Variants in TEX10 observed in about 807,000 individuals in gnomAD.
The protein encoded by TEX10 is testis-expressed protein 10.
TEX10 carries 24 observed loss-of-function variants against 104.4 expected under a neutral mutation model. The ratio of observed to expected loss-of-function variants is 0.23; its 90% CI spans 0.17 to 0.32. The LOEUF (loss-of-function observed/expected upper bound fraction) is 0.32. Among genes scored for constraint, TEX10 ranks in the 10% least tolerant of loss-of-function variants. The pLI is 1.00. For missense variants in TEX10, 921 were observed against 1,083.9 expected (o/e 0.85, Z 2.11); for synonymous variants, 396 against 393.4 (o/e 1.01, Z -0.08).
intron 5 of TEX10, among the ~76,000 whole-genome samples, chr9:100,333,786 A>G (rs1167271186): frequency 6.6e-6 from 1 of 152,214 alleles, no homozygotes; most frequent in Admixed American, 6.5e-5. Flanking sequence ...TACATAAATT[A>G]ATGGAACACA....
chr9:100,302,335 C>A, intron 14 of TEX10, 31 bp from the exon 15 acceptor site: 1 of 1,507,366 alleles, frequency 6.6e-7, no homozygotes, highest in Non-Finnish European at 9.2e-7. Context: ...AATCTGAGAA[C>A]TGCACCCAAA....
intron 13 of TEX10, 105 bp from the exon 14 acceptor site, chr9:100,303,947 C>A (rs1834081642): frequency 1.8e-6 from 2 of 1,128,532 alleles, no homozygotes; most frequent in Non-Finnish European, 2.6e-6. Context: ...AACATGTTTT[C>A]CAATAACATT....
intron 4 of TEX10, among the ~76,000 whole-genome samples, chr9:100,342,596 G>A (rs1835201288): frequency 6.6e-6 from 1 of 152,096 alleles, no homozygotes; most frequent in Non-Finnish European, 1.5e-5. Context: ...ATTTATTGAT[G>A]CCCAATAAAG....
At chr9:100,338,341 G>A (rs897195580) in intron 5 of TEX10, among the ~76,000 whole-genome samples, 1 of 152,262 alleles carries the variant, frequency 6.6e-6, no homozygotes, top group South Asian at 2.1e-4. Context: ...GCACCAGCCA[G>A]CCAGCACCCG....
intron 5 of TEX10, among the ~76,000 whole-genome samples, chr9:100,337,429 T>C (rs183318484): frequency 1.3e-5 from 2 of 152,342 alleles, no homozygotes; most frequent in East Asian, 3.9e-4. Flanking sequence ...AAAATACACA[T>C]ACATATAATT....
intron 5 of TEX10, among the ~76,000 whole-genome samples, chr9:100,330,936 C>T (rs934121465): frequency 3.3e-5 from 5 of 151,586 alleles, no homozygotes; most frequent in African/African-American, 9.7e-5. Context: ...GAAAACACAG[C>T]GAGACCCCAT....
At chr9:100,326,634 T>A (rs1192485244) in intron 8 of TEX10, among the ~76,000 whole-genome samples, 155 bp from the exon 9 acceptor site, 1 of 152,132 alleles carries the variant, frequency 6.6e-6, no homozygotes, top group Admixed American at 6.5e-5. Flanking sequence ...TATATTAATA[T>A]CATAAAACAC....
At chr9:100,319,789 A>T (rs1266015487) in intron 11 of TEX10, among the ~76,000 whole-genome samples, 1 of 152,184 alleles carries the variant, frequency 6.6e-6, no homozygotes, top group Non-Finnish European at 1.5e-5. Flanking sequence ...CTGGGCAACA[A>T]GAGCAAAACT....
In TEX10 at chr9:100,347,183, G is replaced by A; in HGVS notation, c.404C>T (p.Ser135Phe). ...GGCACTTACCAAAGGAAAAAATGGAGAAATTTGTTCAGCTCGTATTTTGGG... is the reference window on the plus strand; with the variant it reads ...GGCACTTACCAAAGGAAAAAATGGAAAAATTTGTTCAGCTCGTATTTTGGG... Reference protein sequence around the residue: ...LAPKIRAEQISPFFPLVSAHL... With the variant: ...LAPKIRAEQIFPFFPLVSAHL... The change falls in exon 3 of 15, where the codon TCT (serine) becomes TTT (phenylalanine). Residue 135 changes from serine to phenylalanine, a missense_variant. Ser to Phe is a radical substitution (Grantham distance 155, BLOSUM62 -2). Transcript: ENST00000374902. The A allele has an allele frequency of 6.2e-7, 1 of 1,614,022 alleles. No individual in the cohort carries two copies. Among genetic ancestry groups the A allele is most frequent in the Non-Finnish European group, 8.5e-7 (1 of 1,179,936 alleles).
intron 11 of TEX10, among the ~76,000 whole-genome samples, chr9:100,313,601 C>A (rs1834335857): frequency 6.6e-6 from 1 of 151,508 alleles, no homozygotes; most frequent in African/African-American, 2.4e-5. Flanking sequence ...GTAATTCCAG[C>A]ACTTTGGGAG....
At chr9:100,328,813 A>C (rs1465241905) in intron 7 of TEX10, among the ~76,000 whole-genome samples, 1 of 152,166 alleles carries the variant, frequency 6.6e-6, no homozygotes, top group Non-Finnish European at 1.5e-5. Context: ...TCAATATGTC[A>C]CTAATGGCTA....
At chr9:100,313,823 C>A (rs1247983412) in intron 11 of TEX10, among the ~76,000 whole-genome samples, 16 of 145,244 alleles carry the variant, frequency 1.1e-4, no homozygotes, top group Admixed American at 4.9e-4. Flanking sequence ...CCGGCTTGGG[C>A]GACAGAGTGA....
At position 100,310,382 on chromosome 9, in the gene TEX10, G is replaced by A; in HGVS notation, c.2203-3C>T. 6.2e-7 allele frequency: 1 copy of A among 1,612,650 alleles called. No homozygotes were observed. The highest frequency in any genetic ancestry group is 8.5e-7 in the Non-Finnish European group (1 of 1,179,408). On this transcript the variant is annotated splice_polypyrimidine_tract_variant and splice_region_variant and intron_variant, in intron 11 of 14. Coordinates refer to ENST00000374902, the MANE Select transcript of TEX10 (RefSeq NM_017746.4). ...ACCAATAAACTGTGAAAAACTGCCT[G>A]TCAGAAAAGGAGAAAACCACTAACC...
chr9:100,315,287 T>A (rs1246652925), intron 11 of TEX10, among the ~76,000 whole-genome samples: 2 of 152,164 alleles, frequency 1.3e-5, no homozygotes, highest in Non-Finnish European at 2.9e-5. Context: ...TAGTCTAAAG[T>A]TCAACTTAAG....
At chr9:100,305,026 A>C (rs1834111078) in intron 13 of TEX10, 1 of 152,246 alleles carries the variant, frequency 6.6e-6, no homozygotes, top group South Asian at 2.1e-4. Context: ...TAAGAGCCAA[A>C]TCAAGAACAT....
intron 3 of TEX10, 122 bp from the exon 4 acceptor site, chr9:100,346,437 A>C: frequency 8.5e-7 from 1 of 1,182,768 alleles, no homozygotes; most frequent in Non-Finnish European, 1.2e-6. Context: ...AATTACATCA[A>C]TCAAAACTAG....
chr9:100,315,237 T>C (rs1834387044), intron 11 of TEX10, among the ~76,000 whole-genome samples: 1 of 152,188 alleles, frequency 6.6e-6, no homozygotes, highest in South Asian at 2.1e-4. Flanking sequence ...TTCTGCAGTT[T>C]GTTGAGTAGA....
Position 100,303,811 on chromosome 9 carries a change from G to A in TEX10, c.2497C>T (p.Leu833=). ...DKLWGVCVSI[L]ALLPRVLRLM... Reference sequence around the variant, plus strand: ...CTGAGGACTCGAGGCAAGAGAGCCAGGATGGAGACACAGACCCCCCACAGC... The same window carrying A: ...CTGAGGACTCGAGGCAAGAGAGCCAAGATGGAGACACAGACCCCCCACAGC... Residue 833 remains leucine (L), a synonymous_variant, in exon 14 of 15, where the codon CTG becomes TTG. Transcript: ENST00000374902. 1 of 1,614,070 alleles carries A rather than the reference G, an allele frequency of 6.2e-7. No individual in the cohort carries two copies. The highest frequency in any genetic ancestry group is 8.5e-7 in the Non-Finnish European group (1 of 1,180,032).
chr9:100,329,027 A>C, intron 7 of TEX10, 113 bp downstream of exon 7: 1 of 1,164,962 alleles, frequency 8.6e-7, no homozygotes. Flanking sequence ...AACAAGTAGG[A>C]TTAAAAAGAA....
Sources: gnomAD v4.1 joint callset for allele counts (sites outside exome capture counted in the v4.1 genomes callset) on GRCh38, gnomAD v4.1.1 for gene constraint, MANE v1.5 for transcripts, NCBI Gene and HGNC (gene_info 2026-07-23, HGNC 2026-07-21) for gene names.